Variants in LRMDA observed in about 807,000 individuals in gnomAD.
LRMDA encodes the protein leucine-rich melanocyte differentiation-associated protein.
In LRMDA, 18 loss-of-function variants were observed where a neutral mutation model predicts 29.8. That is an observed-to-expected ratio of 0.60 (90% CI 0.42 to 0.90). LRMDA has a LOEUF of 0.90. Among genes scored for constraint, LRMDA ranks in the 40% least tolerant of loss-of-function variants. LRMDA has a pLI of 0.00. For missense variants in LRMDA, 273 were observed against 273.9 expected, an observed-to-expected ratio of 1.00 and a Z score of 0.02; for synonymous variants, 125 against 109.4, an observed-to-expected ratio of 1.14 and a Z score of -0.89.
chr10:75,973,235 C>T (rs1429255913), intron 2 of LRMDA, among the ~76,000 whole-genome samples: 1 of 152,204 alleles, frequency 6.6e-6, no homozygotes, highest in Non-Finnish European at 1.5e-5. Context: ...AAGTAACTTG[C>T]CTAAGGCCAT....
chr10:76,254,720 CCT>C (rs1173355623), intron 5 of LRMDA, among the ~76,000 whole-genome samples: 2 of 152,042 alleles, frequency 1.3e-5, no homozygotes, highest in Non-Finnish European at 2.9e-5. Context: ...CTTCTCCTCT[CCT>C]CTCTCTCTAT....
At chr10:75,596,619 T>C (rs1840792359) in intron 2 of LRMDA, among the ~76,000 whole-genome samples, 1 of 152,250 alleles carries the variant, frequency 6.6e-6, no homozygotes, top group Non-Finnish European at 1.5e-5. Flanking sequence ...CACATATGTC[T>C]AGTGATCATC....
intron 5 of LRMDA, among the ~76,000 whole-genome samples, chr10:76,157,218 G>A (rs538011974): frequency 6.6e-6 from 1 of 152,248 alleles, no homozygotes; most frequent in African/African-American, 2.4e-5. Context: ...TTCCACGTCA[G>A]GAAATAAGCT....
chr10:76,528,261 C>A (rs1843198866), intron 6 of LRMDA, among the ~76,000 whole-genome samples: 1 of 152,138 alleles, frequency 6.6e-6, no homozygotes, highest in Non-Finnish European at 1.5e-5. Flanking sequence ...CACAAAAAGT[C>A]ATTATCCAAC....
intron 2 of LRMDA, among the ~76,000 whole-genome samples, chr10:75,597,066 C>CGTGTT (rs1840799832): frequency 6.6e-6 from 1 of 151,450 alleles, no homozygotes; most frequent in South Asian, 2.1e-4. Context: ...CTTTGAGTCC[C>CGTGTT]GTGTTCCTTA....
chr10:76,434,353 C>T (rs762117130), intron 6 of LRMDA, among the ~76,000 whole-genome samples: 3 of 151,468 alleles, frequency 2.0e-5, no homozygotes, highest in Non-Finnish European at 4.4e-5. Flanking sequence ...AATTTTCTTC[C>T]TTTCTCTCCC....
intron 6 of LRMDA, among the ~76,000 whole-genome samples, chr10:76,392,759 C>T (rs1841738040): frequency 6.6e-6 from 1 of 151,960 alleles, no homozygotes; most frequent in South Asian, 2.1e-4. Flanking sequence ...TCTATAGTCA[C>T]CCTGTTGTAC....
intron 2 of LRMDA, among the ~76,000 whole-genome samples, chr10:75,495,196 C>T (rs1005837634): frequency 6.6e-6 from 1 of 152,092 alleles, no homozygotes; most frequent in African/African-American, 2.4e-5. Context: ...TTCTGCCTAT[C>T]AATTCATTCA....
intron 6 of LRMDA, among the ~76,000 whole-genome samples, chr10:76,459,804 TG>T (rs1842493909): frequency 6.6e-6 from 1 of 152,142 alleles, no homozygotes. Context: ...CTTTAAGTTT[TG>T]GGGTACAACG....
chr10:75,455,951 G>T (rs1223597146), intron 2 of LRMDA, among the ~76,000 whole-genome samples: 2 of 152,176 alleles, frequency 1.3e-5, no homozygotes, highest in African/African-American at 4.8e-5. Context: ...CTCAGGGGTG[G>T]GTTGGAATCC....
At chr10:76,333,057 T>C (rs936532024) in intron 6 of LRMDA, among the ~76,000 whole-genome samples, 10 of 152,196 alleles carry the variant, frequency 6.6e-5, no homozygotes, top group African/African-American at 2.2e-4. Flanking sequence ...CTTTGGAGGA[T>C]GTTGGCACTG....
chr10:75,974,251 G>A (rs576025616), intron 2 of LRMDA, among the ~76,000 whole-genome samples: 1 of 152,280 alleles, frequency 6.6e-6, no homozygotes, highest in African/African-American at 2.4e-5. Context: ...ACCTTGCTGA[G>A]CCTGACTTTG....
chr10:75,757,918 G>A (rs575386295), intron 2 of LRMDA, among the ~76,000 whole-genome samples: 87 of 151,362 alleles, frequency 5.7e-4, no homozygotes, highest in African/African-American at 2.0e-3. Context: ...TCCTTCCTCA[G>A]CCTCCCAAGT....
intron 6 of LRMDA, among the ~76,000 whole-genome samples, chr10:76,356,594 A>G (rs1160651701): frequency 1.3e-5 from 2 of 152,170 alleles, no homozygotes; most frequent in African/African-American, 4.8e-5. Context: ...TTAATGTTCA[A>G]TTACTCTCTT....
intron 2 of LRMDA, among the ~76,000 whole-genome samples, chr10:75,837,782 C>T (rs1472806704): frequency 6.6e-6 from 1 of 152,062 alleles, no homozygotes; most frequent in East Asian, 1.9e-4. Context: ...TTCCAAGGCT[C>T]CTTGGTGTGG....
At chr10:75,862,399 G>T (rs960824690) in intron 2 of LRMDA, among the ~76,000 whole-genome samples, 4 of 152,264 alleles carry the variant, frequency 2.6e-5, no homozygotes, top group Middle Eastern at 3.4e-3. Context: ...GGTAGTGAAA[G>T]AACTACCTGT....
chr10:76,312,776 C>A (rs575597559), intron 5 of LRMDA, among the ~76,000 whole-genome samples: 2 of 151,556 alleles, frequency 1.3e-5, no homozygotes, highest in South Asian at 4.2e-4. Context: ...CTCAGTAGTG[C>A]TCTTCTGCTT....
intron 2 of LRMDA, among the ~76,000 whole-genome samples, chr10:75,902,148 G>T (rs1353757713): frequency 6.6e-6 from 1 of 152,050 alleles, no homozygotes; most frequent in African/African-American, 2.4e-5. Context: ...CCCATCCAAG[G>T]TCTACCCACC....
chr10:76,365,071 TAC>T (rs1554816010), intron 6 of LRMDA, among the ~76,000 whole-genome samples: 47 of 91,518 alleles, frequency 5.1e-4, no homozygotes, highest in South Asian at 1.6e-3. Flanking sequence ...CGTATATATA[TAC>T]ACACACACAC....
Sources: allele counts gnomAD v4.1 joint callset (sites outside exome capture counted in the v4.1 genomes callset), GRCh38; gene constraint gnomAD v4.1.1; transcripts MANE v1.5; gene names NCBI Gene and HGNC (gene_info 2026-07-23, HGNC 2026-07-21).